Variants in ZNF729 observed in about 807,000 individuals in gnomAD.
ZNF729 encodes the protein zinc finger protein 729.
In ZNF729, 15 loss-of-function variants were observed where a neutral mutation model predicts 12.2. The observed-to-expected ratio is 1.23, with a 90% CI of 0.82 to 1.89. The LOEUF (loss-of-function observed/expected upper bound fraction) is 1.89, where lower values mean the gene tolerates loss of function less well. Ranked by LOEUF, ZNF729 falls within the 40% of genes most tolerant of loss-of-function variation. The pLI is 0.00. For missense variants in ZNF729, 1,540 were observed against 1,456.7 expected, an observed-to-expected ratio of 1.06 and a Z score of -0.93; for synonymous variants, 492 against 476.3, an observed-to-expected ratio of 1.03 and a Z score of -0.43.
At chr19:22,303,946 G>T in intron 2 of ZNF729, 62 bp downstream of exon 2, 1 of 1,442,346 alleles carries the variant, frequency 6.9e-7, no homozygotes, top group Non-Finnish European at 9.3e-7. Context: ...TCTCTTTTCT[G>T]TAGAATGTGT....
At chr19:22,289,099 G>GTT (rs35685335) in intron 1 of ZNF729, among the ~76,000 whole-genome samples, 1 of 151,724 alleles carries the variant, frequency 6.6e-6, no homozygotes, top group Non-Finnish European at 1.5e-5. Context: ...TTTGACCTCA[G>GTT]TTTTTTAACT....
intron 1 of ZNF729, among the ~76,000 whole-genome samples, chr19:22,288,518 C>A (rs1968111054): frequency 6.6e-6 from 1 of 152,036 alleles, no homozygotes; most frequent in Admixed American, 6.5e-5. Context: ...AATATCAGCT[C>A]CTGGTCATTT....
Position 22,315,785 on chromosome 19 carries a change from C to A in ZNF729, c.2368C>A (p.His790Asn). ...AGCCCTTATGAAACATAAGGTAATT[C>A]ATACTGGAGAGAAACCCTACAAGTG... ...FSALMKHKVI[H>N]TGEKPYKCEE... Residue 790 changes from histidine to asparagine, a missense_variant, in exon 4 of 4, where the codon CAT (histidine) becomes AAT (asparagine). His to Asn is a moderately conservative substitution (Grantham distance 68). Coordinates refer to ENST00000601693, the MANE Select transcript of ZNF729 (RefSeq NM_001242680.2). The A allele has an allele frequency of 6.2e-7, 1 of 1,610,200 alleles. No individual in the cohort carries two copies. The highest frequency in any genetic ancestry group is 8.5e-7 in the Non-Finnish European group (1 of 1,179,574).
At chr19:22,295,677 G>A (rs1968222193) in intron 1 of ZNF729, among the ~76,000 whole-genome samples, 1 of 152,136 alleles carries the variant, frequency 6.6e-6, no homozygotes, top group African/African-American at 2.4e-5. Flanking sequence ...TAGGATTACA[G>A]GCGTGAGCCA....
chr19:22,312,021 T>C (rs1314838710), intron 3 of ZNF729, among the ~76,000 whole-genome samples: 1 of 152,158 alleles, frequency 6.6e-6, no homozygotes, highest in African/African-American at 2.4e-5. Context: ...TATAAACCTC[T>C]TGTTTAGCAT....
At position 22,314,803 on chromosome 19, in the gene ZNF729, T is replaced by C; in HGVS notation, c.1386T>C (p.Cys462=). 1 of 1,613,738 alleles carries C rather than the reference T, an allele frequency of 6.2e-7. No homozygotes were observed. The highest frequency in any genetic ancestry group is 1.1e-5 in the South Asian group (1 of 91,066). Residue 462 remains cysteine (C), a synonymous_variant, in exon 4 of 4, where the codon TGT becomes TGC. Coordinates refer to ENST00000601693, the MANE Select transcript of ZNF729 (RefSeq NM_001242680.2). ...ATACTGGGGAGAAACCATACAAATG[T>C]GAAGAATGTGGCAAAGCTTTTAGGC... The part of the protein sequence containing the change: ...IIHTGEKPYK[C]EECGKAFRQS...
chr19:22,286,890 C>G (rs747459572), intron 1 of ZNF729, among the ~76,000 whole-genome samples: 1 of 152,184 alleles, frequency 6.6e-6, no homozygotes, highest in Non-Finnish European at 1.5e-5. Flanking sequence ...GATGCGGGTT[C>G]ATGAATGGGA....
Position 22,316,350 on chromosome 19 carries a change from A to G in ZNF729, c.2933A>G (p.His978Arg), listed in dbSNP as rs780219752. The G allele has an allele frequency of 7.6e-5, 122 of 1,613,520 alleles. No homozygotes were observed. The highest frequency in any genetic ancestry group is 1.6e-4 in the Middle Eastern group (1 of 6,074). Residue 978 changes from histidine (H) to arginine (R), a missense_variant, in exon 4 of 4, where the codon CAT (histidine) becomes CGT (arginine). By Grantham distance (29) the His-to-Arg change is conservative. Coordinates refer to ENST00000601693, the MANE Select transcript of ZNF729 (RefSeq NM_001242680.2). ...GGCAAAGCTTTTAAGCAATCCTCAC[A>G]TCTTACTAGACATAAAGCAATTCAT... Reference protein sequence around the residue: ...ECGKAFKQSSHLTRHKAIHTG... With the variant: ...ECGKAFKQSSRLTRHKAIHTG...
chr19:22,313,342 A>G (rs1230980766), intron 3 of ZNF729, among the ~76,000 whole-genome samples: 1 of 152,204 alleles, frequency 6.6e-6, no homozygotes, highest in Non-Finnish European at 1.5e-5. Context: ...ATGAACTGCT[A>G]TTCCCAGTCA....
intron 3 of ZNF729, among the ~76,000 whole-genome samples, chr19:22,311,168 G>C (rs925484455): frequency 6.6e-6 from 1 of 151,640 alleles, no homozygotes; most frequent in Non-Finnish European, 1.5e-5. Context: ...TTTGGTTTTT[G>C]TCTGTTGGTT....
At position 22,314,506 on chromosome 19, in the gene ZNF729, T is replaced by C. The variant is rs776980778; in HGVS notation, c.1089T>C (p.Leu363=). ...CGKAFSQSST[L]RKHEIIHTGE... ...AAGCTTTTAGCCAGTCCTCAACCCT[T>C]AGAAAACATGAGATAATTCATACTG... Residue 363 remains leucine, a synonymous_variant, in exon 4 of 4, where the codon CTT becomes CTC. Coordinates refer to ENST00000601693, the MANE Select transcript of ZNF729 (RefSeq NM_001242680.2). 1.2e-6 allele frequency: 2 copies of C among 1,609,218 alleles called. No individual in the cohort carries two copies. Among genetic ancestry groups the C allele is most frequent in the African/African-American group, 1.3e-5 (1 of 74,966 alleles).
intron 1 of ZNF729, among the ~76,000 whole-genome samples, chr19:22,302,697 A>G (rs1283838916): frequency 6.6e-6 from 1 of 152,298 alleles, no homozygotes; most frequent in East Asian, 1.9e-4. Context: ...CATAGGGTCC[A>G]CTCCCTGGCC....
At chr19:22,312,332 G>A (rs748195979) in intron 3 of ZNF729, among the ~76,000 whole-genome samples, 14 of 151,804 alleles carry the variant, frequency 9.2e-5, no homozygotes, top group South Asian at 4.2e-4. Flanking sequence ...GCTACCTGTT[G>A]GAATCTTCAT....
intron 1 of ZNF729, among the ~76,000 whole-genome samples, chr19:22,297,819 C>A (rs938635309): frequency 6.6e-6 from 1 of 151,794 alleles, no homozygotes; most frequent in African/African-American, 2.4e-5. Context: ...GTCTGACCAA[C>A]ATGGAGAAAC....
At chr19:22,305,549 TG>T (rs1171861863) in intron 3 of ZNF729, among the ~76,000 whole-genome samples, 5 of 152,076 alleles carry the variant, frequency 3.3e-5, no homozygotes, top group African/African-American at 1.2e-4. Flanking sequence ...TATAGATTCC[TG>T]GTAAATTGAC....
intron 1 of ZNF729, among the ~76,000 whole-genome samples, chr19:22,298,146 AC>A (rs1215260975): frequency 6.6e-6 from 1 of 152,108 alleles, no homozygotes; most frequent in Non-Finnish European, 1.5e-5. Flanking sequence ...TAGCATAGTT[AC>A]GTGTAGTGTT....
chr19:22,291,915 G>A (rs1968160354), intron 1 of ZNF729, among the ~76,000 whole-genome samples: 1 of 152,086 alleles, frequency 6.6e-6, no homozygotes, highest in Non-Finnish European at 1.5e-5. Flanking sequence ...TGTATTTTTA[G>A]TAGAGACAGA....
intron 1 of ZNF729, among the ~76,000 whole-genome samples, chr19:22,287,318 GT>G (rs1968092304): frequency 2.0e-5 from 3 of 150,866 alleles, no homozygotes; most frequent in Non-Finnish European, 4.4e-5. Flanking sequence ...CCAGGCTGGA[GT>G]GCAATAGCGC....
At chr19:22,295,278 C>G in intron 1 of ZNF729, among the ~76,000 whole-genome samples, 1 of 151,874 alleles carries the variant, frequency 6.6e-6, no homozygotes, top group East Asian at 1.9e-4. Context: ...AGTTTGACTT[C>G]CTTTCTTCCT....
Sources: allele counts gnomAD v4.1 joint callset (sites outside exome capture counted in the v4.1 genomes callset), GRCh38; gene constraint gnomAD v4.1.1; transcripts MANE v1.5; gene names NCBI Gene and HGNC (gene_info 2026-07-23, HGNC 2026-07-21).